The following MMP24 variants were observed in gnomAD, a reference collection of about 807,000 sequenced individuals.
MMP24 encodes the protein matrix metallopeptidase 24.
MMP24 carries 25 observed loss-of-function variants against 62.8 expected under a neutral mutation model. The ratio of observed to expected loss-of-function variants is 0.40; its 90% CI spans 0.29 to 0.56. The LOEUF (loss-of-function observed/expected upper bound fraction) is 0.56, where lower values mean the gene tolerates loss of function less well. MMP24 is among the 20% of genes least tolerant of loss of function. The pLI is 0.50. For missense variants in MMP24, 634 were observed against 853.6 expected (o/e 0.74, Z 3.21); for synonymous variants, 319 against 350.5 (o/e 0.91, Z 1.00).
chr20:35,272,131 C>G (rs931210048), intron 8 of MMP24: 26 of 465,544 alleles, frequency 5.6e-5, no homozygotes, highest in African/African-American at 4.9e-4. Flanking sequence ...CCAGGGACGC[C>G]TTGAGTTACC....
rs183541822 is a variant in MMP24, at chr20:35,236,616, C to T, written c.246+9632C>T. On this transcript the variant is annotated intron_variant, in intron 1 of 8. Coordinates refer to ENST00000246186, the MANE Select transcript of MMP24 (RefSeq NM_006690.4). ...CATCCCTGAGGAGTCACCAGAAAGA[C>T]CCAGTGATTTGGTCTGGCAGCAATA... 3.9e-5 allele frequency among the ~76,000 whole-genome samples: 6 copies of T among 152,180 alleles called. No individual in the cohort carries two copies. In the East Asian group the frequency reaches 1.2e-3, roughly 29 times the overall value.
In MMP24 at chr20:35,274,792, G is replaced by T. The variant is rs2060694528; in HGVS notation, c.*183G>T. ...TGGGGCAGGGAATTATGGGGGCTGT[G>T]CCCCAGGGTGGGTGTCTGGCACCCA... On this transcript the variant is annotated 3_prime_UTR_variant, in exon 9 of 9. Transcript: ENST00000246186. This position sits in a 1 kb window ranked among gnomAD's most constrained non-coding sequence, Gnocchi z 5.1. 1 of 623,926 alleles carries T rather than the reference G, an allele frequency of 1.6e-6. No homozygotes were observed. The highest frequency in any genetic ancestry group is 2.8e-6 in the Non-Finnish European group (1 of 362,442). 38.6% of individuals were successfully genotyped at this position (623,926 alleles called of 1,614,324 possible).
At position 35,257,882 on chromosome 20, in the gene MMP24, C is replaced by T. The variant is rs115973587; in HGVS notation, c.817+3128C>T. Among the ~76,000 whole-genome samples, 1,483 of 152,322 alleles carry T rather than the reference C, an allele frequency of 9.7e-3. 26 individuals carry two copies. The highest frequency in any genetic ancestry group is 0.034 in the African/African-American group (1,404 of 41,554). On this transcript the variant is annotated intron_variant, in intron 4 of 8. Transcript: ENST00000246186. ...TGCAGCTCAGGACCACAGCAATCGACTCCTGAACTGGAATGCAGTGAAGGC... is the reference window on the plus strand; with the variant it reads ...TGCAGCTCAGGACCACAGCAATCGATTCCTGAACTGGAATGCAGTGAAGGC...
Position 35,226,784 on chromosome 20 carries a change from C to T in MMP24, c.46C>T (p.Pro16Ser), listed in dbSNP as rs1254370015. 5.1e-6 allele frequency: 4 copies of T among 786,382 alleles called. No homozygotes were observed. The highest frequency in any genetic ancestry group is 9.6e-4 in the Admixed American group (1 of 1,040). The allele number at this position is 786,382 out of a possible 1,614,324, so 48.7% of individuals were successfully genotyped here. A position where few individuals can be genotyped will look rare whatever the true frequency, so the allele number is the denominator to read the frequency against. Reference protein sequence around the residue: ...GGRAAPGPPPPPPPPGQAPRW... With the variant: ...GGRAAPGPPPSPPPPGQAPRW... ...CCGCGCCGCGCCGGGGCCGCCGCCG[C>T]CGCCGCCGCCGCCGGGCCAGGCCCC... Residue 16 changes from proline to serine, a missense_variant, in exon 1 of 9, where the codon CCG (proline) becomes TCG (serine). Pro to Ser is a moderately conservative substitution (Grantham distance 74). This residue lies in a region of MMP24 where 212 missense variants were observed against 259.6 expected (regional missense o/e 0.82). Transcript: ENST00000246186.
chr20:35,228,699 T>C (rs938792439), intron 1 of MMP24, among the ~76,000 whole-genome samples: 4 of 152,230 alleles, frequency 2.6e-5, no homozygotes, highest in African/African-American at 9.6e-5. Context: ...AGGAAGCTAG[T>C]CCTTACCTGT....
chr20:35,226,949 C>A lies in MMP24; in HGVS notation c.211C>A (p.Arg71=). ...NRAAVAVAVA[R]ADEAEAPFAG... The stretch of plus-strand genomic sequence containing the variant: ...GGCAGCGGTGGCGGTGGCGGTGGCG[C>A]GGGCGGACGAGGCGGAGGCGCCCTT... Residue 71 remains arginine (R), a synonymous_variant, in exon 1 of 9, where the codon CGG becomes AGG. Transcript: ENST00000246186. 2 of 971,574 alleles carry A rather than the reference C, an allele frequency of 2.1e-6. No individual in the cohort carries two copies. Among genetic ancestry groups the A allele is most frequent in the Non-Finnish European group, 2.4e-6 (2 of 820,282 alleles). The allele number at this position is 971,574 out of a possible 1,614,324, so 60.2% of individuals were successfully genotyped here. A position where few individuals can be genotyped will look rare whatever the true frequency, so the allele number is the denominator to read the frequency against.
At chr20:35,239,415 C>T (rs2060478073) in intron 1 of MMP24, among the ~76,000 whole-genome samples, 1 of 152,090 alleles carries the variant, frequency 6.6e-6, no homozygotes, top group South Asian at 2.1e-4. Context: ...TTTTTGTTTG[C>T]TCTTTTAGCC....
In MMP24 at chr20:35,255,430, A is replaced by G. The variant is rs576364216; in HGVS notation, c.817+676A>G. On this transcript the variant is annotated intron_variant, in intron 4 of 8. Coordinates refer to ENST00000246186, the MANE Select transcript of MMP24 (RefSeq NM_006690.4). ...GAGGGCTCCAAAAGCCATCTTATGA[A>G]TGACACGACTGGCTCTCTCCTTTGT... Among the ~76,000 whole-genome samples the G allele has an allele frequency of 3.9e-5, 6 of 152,274 alleles. 1 individual carries two copies. In the South Asian group the frequency reaches 1.2e-3, roughly 32 times the overall value.
chr20:35,243,008 T>C (rs2060496698), intron 1 of MMP24, among the ~76,000 whole-genome samples: 2 of 151,942 alleles, frequency 1.3e-5, no homozygotes, highest in South Asian at 4.2e-4. Context: ...TGAAACCCCA[T>C]CTCTACTAAA....
chr20:35,267,963 T>C (rs968652327), intron 6 of MMP24: 7 of 154,048 alleles, frequency 4.5e-5, no homozygotes, highest in African/African-American at 1.7e-4. Context: ...GGTTGGGCTC[T>C]CGGGGAGTGA....
chr20:35,246,408 C>T (rs1268265586), intron 1 of MMP24, among the ~76,000 whole-genome samples: 2 of 152,106 alleles, frequency 1.3e-5, no homozygotes, highest in African/African-American at 4.8e-5. Context: ...ACCCCGGAGG[C>T]GGAGGTTGCA....
rs1345372391 is a variant in MMP24 at position 35,226,983 on chromosome 20, A to G, written c.245A>G (p.Gln82Arg). The change falls in exon 1 of 9, where the codon CAG (glutamine) becomes CGG (arginine). Residue 82 changes from glutamine (Q) to arginine (R), a missense_variant and splice_region_variant. By Grantham distance (43) the Gln-to-Arg change is conservative. Coordinates refer to ENST00000246186, the MANE Select transcript of MMP24 (RefSeq NM_006690.4). Reference sequence around the variant, plus strand: ...GAGGCGGAGGCGCCCTTCGCCGGGCAGGTGGGGCTGGCGCGCGGGGCCGGG... The same window carrying G: ...GAGGCGGAGGCGCCCTTCGCCGGGCGGGTGGGGCTGGCGCGCGGGGCCGGG... ...ADEAEAPFAGQNWLKSYGYLL... is the reference protein window; with the variant it reads ...ADEAEAPFAGRNWLKSYGYLL... 1.0e-6 allele frequency: 1 copy of G among 978,114 alleles called. No individual in the cohort carries two copies. Among genetic ancestry groups the G allele is most frequent in the African/African-American group, 1.8e-5 (1 of 55,744 alleles). The allele number at this position is 978,114 out of a possible 1,614,324, so 60.6% of individuals were successfully genotyped here.
chr20:35,248,793 T>C (rs1011131208), intron 2 of MMP24, among the ~76,000 whole-genome samples: 3 of 152,142 alleles, frequency 2.0e-5, no homozygotes, highest in Admixed American at 2.0e-4. Context: ...GTGGGCTGGT[T>C]AAAGAGAGCC....
At chr20:35,231,974 C>T (rs2060440019) in intron 1 of MMP24, among the ~76,000 whole-genome samples, 1 of 152,140 alleles carries the variant, frequency 6.6e-6, no homozygotes, top group Admixed American at 6.5e-5. Context: ...ACCCCGGGGG[C>T]AGAGGTTGTA....
chr20:35,236,368 T>C (rs2060463178), intron 1 of MMP24, among the ~76,000 whole-genome samples: 1 of 152,232 alleles, frequency 6.6e-6, no homozygotes, highest in South Asian at 2.1e-4. Context: ...TCTTTCTCTC[T>C]TCTGCAAAAC....
intron 1 of MMP24, among the ~76,000 whole-genome samples, chr20:35,233,082 C>T (rs1412128029): frequency 6.6e-6 from 1 of 152,120 alleles, no homozygotes; most frequent in Non-Finnish European, 1.5e-5. Context: ...AATTCTATGC[C>T]ACAAACACTT....
At position 35,246,820 on chromosome 20, in the gene MMP24, T is replaced by C. The variant is rs771928888; in HGVS notation, c.247-20T>C. 1 of 1,613,076 alleles carries C rather than the reference T, an allele frequency of 6.2e-7. No individual in the cohort carries two copies. Among genetic ancestry groups the C allele is most frequent in the South Asian group, 1.1e-5 (1 of 91,080 alleles). The stretch of plus-strand genomic sequence containing the variant: ...GCCTTTCCCAGCATAACGCATCTTT[T>C]TCTTTCCCGTGTCTTTCAGAACTGG... On this transcript the variant is annotated intron_variant, in intron 1 of 8. Transcript: ENST00000246186.
In MMP24 at chr20:35,254,573, A is replaced by C; in HGVS notation, c.636A>C (p.Lys212Asn). The change falls in exon 4 of 9, where the codon AAA (lysine) becomes AAC (asparagine). Residue 212 changes from lysine (K) to asparagine (N), a missense_variant. Physicochemically the swap from Lys to Asn is moderately conservative, Grantham distance 94. Coordinates refer to ENST00000246186, the MANE Select transcript of MMP24 (RefSeq NM_006690.4). Reference protein sequence around the residue: ...TFEEVPYHEIKSDRKEADIMI... With the variant: ...TFEEVPYHEINSDRKEADIMI... Reference sequence around the variant, plus strand: ...AAGAGGTGCCATACCATGAGATCAAAAGTGACCGGAAGGAGGCAGACATCA... The same window carrying C: ...AAGAGGTGCCATACCATGAGATCAACAGTGACCGGAAGGAGGCAGACATCA... 6.2e-7 allele frequency: 1 copy of C among 1,614,040 alleles called. No individual in the cohort carries two copies. Among genetic ancestry groups the C allele is most frequent in the Non-Finnish European group, 8.5e-7 (1 of 1,179,912 alleles).
chr20:35,242,863 G>A (rs1428307511), intron 1 of MMP24, among the ~76,000 whole-genome samples: 3 of 152,132 alleles, frequency 2.0e-5, no homozygotes, highest in African/African-American at 7.2e-5. Context: ...TGGGAGGGCA[G>A]GATGGCTAGA....
Sources: gnomAD v4.1 joint callset for allele counts (sites outside exome capture counted in the v4.1 genomes callset) on GRCh38, gnomAD v4.1.1 for gene constraint, gnomAD v4.1.1 regional missense constraint, Gnocchi (gnomAD v3.1) non-coding constraint, MANE v1.5 for transcripts, NCBI Gene and HGNC (gene_info 2026-07-23, HGNC 2026-07-21) for gene names.